CGREF1: variants seen among roughly 807,000 people sequenced by gnomAD.
The protein encoded by CGREF1 is cell growth regulator with EF-hand domain 1, also known as cell growth regulator with EF hand domain protein 1.
A neutral mutation model predicts 17.4 loss-of-function variants in CGREF1; 16 were observed. The observed-to-expected ratio is 0.92, with a 90% CI of 0.62 to 1.40. The LOEUF (loss-of-function observed/expected upper bound fraction) is 1.40, where lower values mean the gene tolerates loss of function less well. Ranked by LOEUF, CGREF1 falls within the 40% of genes most tolerant of loss-of-function variation. The pLI, the probability that CGREF1 is intolerant of heterozygous loss-of-function variation, is 0.00. For missense variants in CGREF1, 296 were observed against 376.4 expected (o/e 0.79, Z 1.77); for synonymous variants, 142 against 154.6 (o/e 0.92, Z 0.61).
chr2:27,101,780 C>T lies in CGREF1; in HGVS notation c.451G>A (p.Glu151Lys). ...GATGGAGCAAGGGGCTCTCCGGGCTCCACGTGCCTGAGGGCTACTCCCGGG... is the reference window on the plus strand; with the variant it reads ...GATGGAGCAAGGGGCTCTCCGGGCTTCACGTGCCTGAGGGCTACTCCCGGG... ...NFPGVALRHV[E>K]PGEPLAPSPQ... is the part of the protein sequence containing the mutation. The change falls in exon 6 of 6, where the codon GAG becomes AAG. Residue 151 changes from glutamate to lysine, a missense_variant. By Grantham distance (56) the Glu-to-Lys change is moderately conservative. Transcript: ENST00000402394. The T allele has an allele frequency of 6.2e-7, 1 of 1,614,236 alleles. No individual in the cohort carries two copies. Among genetic ancestry groups the T allele is most frequent in the Non-Finnish European group, 8.5e-7 (1 of 1,180,038 alleles).
At chr2:27,114,762 A>C (rs998946955) in intron 1 of CGREF1, among the ~76,000 whole-genome samples, 3 of 151,968 alleles carry the variant, frequency 2.0e-5, no homozygotes, top group Non-Finnish European at 4.4e-5. Flanking sequence ...CCAGCCCAAC[A>C]ACCAGACAGG....
chr2:27,099,416 G>A (rs374116984), downstream of CGREF1: 2 of 1,613,574 alleles, frequency 1.2e-6, no homozygotes, highest in African/African-American at 1.3e-5. Flanking sequence ...GAGCCGTCTT[G>A]CAGGGCTGTG....
chr2:27,117,186 C>T (rs564431316), intron 1 of CGREF1, among the ~76,000 whole-genome samples: 1 of 152,258 alleles, frequency 6.6e-6, no homozygotes, highest in Admixed American at 6.5e-5. Context: ...GCTGGGATTA[C>T]AGGCATGAGC....
chr2:27,099,790 T>C (rs1558454223), downstream of CGREF1: 1 of 1,605,846 alleles, frequency 6.2e-7, no homozygotes, highest in Non-Finnish European at 8.5e-7. Flanking sequence ...GAGACTACCA[T>C]TGCGGCTGCA....
chr2:27,115,638 A>T (rs1671539102), intron 1 of CGREF1, among the ~76,000 whole-genome samples: 1 of 152,124 alleles, frequency 6.6e-6, no homozygotes, highest in Admixed American at 6.5e-5. Flanking sequence ...CTAGAATTCC[A>T]CTGCTCTAGA....
Position 27,102,365 on chromosome 2 carries a change from T to C in CGREF1, c.212A>G (p.Glu71Gly). The C allele has an allele frequency of 2.5e-6, 4 of 1,614,110 alleles. No individual in the cohort carries two copies. Among genetic ancestry groups the C allele is most frequent in the Non-Finnish European group, 2.5e-6 (3 of 1,179,992 alleles). ...CCATCAGCCCAGCCCCTCACCCTGC[T>C]CCCGGCTCAGATGCTCCAGTTGCAC... The part of the protein sequence containing the change: ...TEVQLEHLSR[E>G]QVLLYLFALH... Residue 71 changes from glutamate to glycine, a missense_variant, in exon 4 of 6, where the codon GAG (glutamate) becomes GGG (glycine). This residue lies in a region of CGREF1 where 247 missense variants were observed against 267.2 expected (regional missense o/e 0.92). Coordinates refer to ENST00000402394, the MANE Select transcript of CGREF1 (RefSeq NM_006569.6).
In CGREF1 at chr2:27,101,383, C is replaced by A. The variant is rs779246011; in HGVS notation, c.848G>T (p.Arg283Met). Reference protein sequence around the residue: ...RGEAGGQAEARENGEEAKELP... With the variant: ...RGEAGGQAEAMENGEEAKELP... ...TTCCTTGGCCTCCTCTCCATTCTCC[C>A]TGGCCTCTGCCTGGCCCCCAGCTTC... is the stretch of plus-strand genomic sequence containing the variant. Residue 283 changes from arginine to methionine, a missense_variant, in exon 6 of 6, where the codon AGG becomes ATG. Arg to Met is a moderately conservative substitution (Grantham distance 91). Transcript: ENST00000402394. 2.5e-6 allele frequency: 4 copies of A among 1,613,664 alleles called. No individual in the cohort carries two copies. Among genetic ancestry groups the A allele is most frequent in the Non-Finnish European group, 3.4e-6 (4 of 1,179,732 alleles).
At chr2:27,099,732 C>A (rs116026105), downstream of CGREF1, 2,108 of 1,614,114 alleles carry the variant, frequency 1.3e-3, 24 homozygotes, top group African/African-American at 0.024. Flanking sequence ...GCCTGCAGGG[C>A]TTTGATGGCA....
chr2:27,104,381 G>A lies in CGREF1; in HGVS notation c.-11-4C>T, dbSNP rs1284987093. 4 of 1,613,680 alleles carry A rather than the reference G, an allele frequency of 2.5e-6. No individual in the cohort carries two copies. Among genetic ancestry groups the A allele is most frequent in the Non-Finnish European group, 3.4e-6 (4 of 1,179,838 alleles). ...AAAGGTAACATCCTTCCTGGAACTG[G>A]AACAAGGAAGAGAATCAGGGGTCGG... On this transcript the variant is annotated splice_polypyrimidine_tract_variant and splice_region_variant and intron_variant, in intron 1 of 5. Transcript: ENST00000402394.
chr2:27,104,241 C>G (rs753727759), intron 2 of CGREF1, 46 bp downstream of exon 2: 55 of 1,515,928 alleles, frequency 3.6e-5, no homozygotes, highest in Non-Finnish European at 1.8e-6. Context: ...TCTCTAGAGA[C>G]TTTCCCTCCT....
intron 1 of CGREF1, among the ~76,000 whole-genome samples, chr2:27,109,883 C>A (rs1402197379): frequency 8.6e-5 from 1 of 11,662 alleles, no homozygotes; most frequent in Admixed American, 1.1e-3. Flanking sequence ...AAGACTCCGT[C>A]TCAAAAAAAA....
rs934771000 is a variant in CGREF1, at chr2:27,115,154, C to T, written c.-12+3692G>A. The stretch of plus-strand genomic sequence containing the variant: ...GCGTCCTGTGAAGTCACAAGTTCCC[C>T]GCTCTCAGAGGGGCCCTGTGCTTAG... On this transcript the variant is annotated intron_variant, in intron 1 of 5. Transcript: ENST00000402394. 5.3e-5 allele frequency among the ~76,000 whole-genome samples: 8 copies of T among 151,734 alleles called. No individual in the cohort carries two copies. In the South Asian group the frequency reaches 6.2e-4, roughly 12 times the overall value.
intron 5 of CGREF1, 21 bp from the exon 6 acceptor site, chr2:27,101,909 T>C: frequency 1.2e-6 from 2 of 1,605,972 alleles, no homozygotes; most frequent in Non-Finnish European, 1.7e-6. Context: ...AGAGTCACTG[T>C]GGGGTCTCCA....
At chr2:27,111,672 G>A (rs1281341822) in intron 1 of CGREF1, among the ~76,000 whole-genome samples, 1 of 152,216 alleles carries the variant, frequency 6.6e-6, no homozygotes, top group East Asian at 1.9e-4. Flanking sequence ...AGGCAGCTGA[G>A]GCCCGGCGAG....
Position 27,100,880 on chromosome 2 carries a change from T to C in CGREF1, c.*394A>G. The C allele has an allele frequency of 7.3e-6, 8 of 1,091,130 alleles. 1 individual carries two copies. The Middle Eastern group carries it at 2.6e-3, about 356-fold the overall frequency. The allele number at this position is 1,091,130 out of a possible 1,614,324, so 67.6% of individuals were successfully genotyped here. ...CAGGTGAGGGGGAACCGGTGAGGGT[T>C]TGGGGCCCAGGGATAGACTGAGCTT... is the stretch of plus-strand genomic sequence containing the variant. On this transcript the variant is annotated 3_prime_UTR_variant, in exon 6 of 6. Transcript: ENST00000402394.
Position 27,118,901 on chromosome 2 carries a change from T to A in CGREF1, c.-67A>T, listed in dbSNP as rs1347455728. ...CAGCTCCGTGGGCGCTCCTGGCTGC[T>A]GCGCCGCCCGCGCCTCGCCTCCCGC... On this transcript the variant is annotated 5_prime_UTR_variant, in exon 1 of 6. Transcript: ENST00000402394. 1.3e-5 allele frequency: 2 copies of A among 152,074 alleles called. No homozygotes were observed. Among genetic ancestry groups the A allele is most frequent in the Non-Finnish European group, 2.9e-5 (2 of 67,976 alleles). The allele number at this position is 152,074 out of a possible 1,614,324, so 9.4% of individuals were successfully genotyped here. A position where few individuals can be genotyped will look rare whatever the true frequency, so the allele number is the denominator to read the frequency against.
At chr2:27,109,962 T>C (rs376857165) in intron 1 of CGREF1, among the ~76,000 whole-genome samples, 3 of 145,682 alleles carry the variant, frequency 2.1e-5, no homozygotes, top group East Asian at 4.1e-4. Context: ...CTGGAATGTA[T>C]AGCCTCAAAC....
Position 27,102,427 on chromosome 2 carries a change from A to C in CGREF1, c.150T>G (p.Leu50=). 1 of 1,614,068 alleles carries C rather than the reference A, an allele frequency of 6.2e-7. No homozygotes were observed. The highest frequency in any genetic ancestry group is 8.5e-7 in the Non-Finnish European group (1 of 1,179,948). The change falls in exon 4 of 6, where the codon CTT becomes CTG. Residue 50 remains leucine, a synonymous_variant. Transcript: ENST00000402394. ...PFQPGQEQLG[L]LQSYLKGLGR... ...CTAGTCCCTTTAGGTAGCTCTGCAG[A>C]AGTCTGTCAGAAAAGTGGAGAATCA...
chr2:27,102,505 C>T, intron 3 of CGREF1, 21 bp downstream of exon 3: 1 of 1,613,668 alleles, frequency 6.2e-7, no homozygotes, highest in South Asian at 1.1e-5. Context: ...CCTGAAAGCA[C>T]CCCCGGCCCA....
Sources: gnomAD v4.1 joint callset for allele counts (sites outside exome capture counted in the v4.1 genomes callset) on GRCh38, gnomAD v4.1.1 for gene constraint, gnomAD v4.1.1 regional missense constraint, MANE v1.5 for transcripts, NCBI Gene and HGNC (gene_info 2026-07-23, HGNC 2026-07-21) for gene names.